Variants in FER1L6 observed in about 807,000 individuals in gnomAD.
FER1L6 encodes fer-1 like family member 6.
A neutral mutation model predicts 219.2 loss-of-function variants in FER1L6; 177 were observed. The observed-to-expected ratio is 0.81, with a 90% CI of 0.71 to 0.91. The LOEUF (loss-of-function observed/expected upper bound fraction) is 0.91. Ranked by LOEUF, FER1L6 falls within the 40% of genes least tolerant of loss-of-function variation. The probability of loss-of-function intolerance (pLI) is 0.00; values close to 1 mark genes in which losing one functional copy is unlikely to be tolerated. For missense variants in FER1L6, 2,153 were observed against 2,259.9 expected (o/e 0.95, Z 0.96); for synonymous variants, 768 against 824.3 (o/e 0.93, Z 1.17).
intron 31 of FER1L6, among the ~76,000 whole-genome samples, 179 bp downstream of exon 31, chr8:124,071,810 G>A (rs1821087565): frequency 6.6e-6 from 1 of 152,136 alleles, no homozygotes; most frequent in Non-Finnish European, 1.5e-5. Context: ...TCTCTTGCTG[G>A]TTTGTGGATG....
At chr8:124,015,939 G>A (rs1818182938) in intron 15 of FER1L6, 1 of 152,636 alleles carries the variant, frequency 6.6e-6, no homozygotes, top group Admixed American at 6.6e-5. Context: ...AGCTCAACAG[G>A]GCTTCTCCCT....
intron 1 of FER1L6, among the ~76,000 whole-genome samples, chr8:123,920,950 T>C (rs1419182722): frequency 2.0e-5 from 3 of 152,214 alleles, no homozygotes; most frequent in African/African-American, 7.2e-5. Flanking sequence ...TCAAATACTA[T>C]TGGTCTTTTC....
intron 39 of FER1L6, among the ~76,000 whole-genome samples, chr8:124,114,295 G>A (rs1186390944): frequency 1.3e-5 from 2 of 151,990 alleles, no homozygotes; most frequent in Non-Finnish European, 2.9e-5. Flanking sequence ...TTCAGAGTTG[G>A]TATAAGAGTC....
intron 15 of FER1L6, among the ~76,000 whole-genome samples, chr8:124,017,105 C>A (rs567403478): frequency 1.3e-5 from 2 of 152,046 alleles, no homozygotes; most frequent in African/African-American, 2.4e-5. Flanking sequence ...TTTCCCCAAG[C>A]GTTTAGTCCA....
intron 39 of FER1L6, among the ~76,000 whole-genome samples, chr8:124,106,156 C>T (rs976177987): frequency 2.0e-5 from 3 of 151,636 alleles, no homozygotes; most frequent in African/African-American, 2.4e-5. Flanking sequence ...GGTGAAACCC[C>T]GTCTCTACTA....
intron 1 of FER1L6, among the ~76,000 whole-genome samples, chr8:123,939,655 G>C (rs967176594): frequency 6.6e-6 from 1 of 152,162 alleles, no homozygotes; most frequent in East Asian, 1.9e-4. Flanking sequence ...TGCAGGAAGG[G>C]ACTTGAGTTA....
rs761955647 is a variant in FER1L6, at chr8:124,097,867, G to C, written c.4867G>C (p.Asp1623His). 1 of 1,576,742 alleles carries C rather than the reference G, an allele frequency of 6.3e-7. No individual in the cohort carries two copies. The highest frequency in any genetic ancestry group is 1.1e-5 in the South Asian group (1 of 90,304). The part of the protein sequence containing the change: ...ENIFTGQKSS[D>H]IYVKGWLKGL... ...TATCTTCACAGGCCAAAAATCAAGT[G>C]ATATTTATGTGAAAGGGTAAGGTTA... The change falls in exon 37 of 41, where the codon GAT becomes CAT. Residue 1623 changes from aspartate to histidine, a missense_variant. Coordinates refer to ENST00000522917, the MANE Select transcript of FER1L6 (RefSeq NM_001039112.2).
Position 124,035,413 on chromosome 8 carries a change from G to C in FER1L6, c.2423G>C (p.Gly808Ala), listed in dbSNP as rs574108950. The part of the protein sequence containing the change: ...VGYEAEMSSK[G>A]AGTNHPPSNL... The stretch of plus-strand genomic sequence containing the variant: ...TATGAAGCAGAAATGTCCTCCAAAG[G>C]GGCTGGCACCAATCACCCCCCATCT... Residue 808 changes from glycine to alanine, a missense_variant, in exon 19 of 41, where the codon GGG becomes GCG. Coordinates refer to ENST00000522917, the MANE Select transcript of FER1L6 (RefSeq NM_001039112.2). 6.2e-7 allele frequency: 1 copy of C among 1,613,672 alleles called. No individual in the cohort carries two copies. The highest frequency in any genetic ancestry group is 1.7e-5 in the Admixed American group (1 of 59,994).
In FER1L6 at chr8:124,021,561, C is replaced by G; in HGVS notation, c.2025C>G (p.Cys675Trp). 1 of 1,614,022 alleles carries G rather than the reference C, an allele frequency of 6.2e-7. No homozygotes were observed. The highest frequency in any genetic ancestry group is 1.1e-5 in the South Asian group (1 of 91,066). ...TLCWQELEAM[C>W]KEAKGIIQQQ... ...TTGTCTTGTTTTAGGAAGCAATGTG[C>G]AAGGAGGCCAAGGGGATCATTCAGC... Residue 675 changes from cysteine (C) to tryptophan (W), a missense_variant, in exon 17 of 41, where the codon TGC becomes TGG. Physicochemically the swap from Cys to Trp is radical, Grantham distance 215. Transcript: ENST00000522917.
intron 2 of FER1L6, among the ~76,000 whole-genome samples, chr8:123,959,212 C>T (rs538011847): frequency 1.7e-4 from 26 of 152,258 alleles, no homozygotes; most frequent in Admixed American, 1.2e-3. Flanking sequence ...CTTTCTACCT[C>T]GATGTCTCAC....
intron 1 of FER1L6, among the ~76,000 whole-genome samples, chr8:123,907,180 AT>A (rs1356968968): frequency 6.6e-6 from 1 of 152,198 alleles, no homozygotes; most frequent in Non-Finnish European, 1.5e-5. Flanking sequence ...TCTTGACAAG[AT>A]TATACACTTT....
At chr8:123,943,971 TGATATCTAGGAG>T (rs1814368729) in intron 1 of FER1L6, among the ~76,000 whole-genome samples, 1 of 152,128 alleles carries the variant, frequency 6.6e-6, no homozygotes, top group Non-Finnish European at 1.5e-5. Flanking sequence ...TGGCTGTGAT[TGATATCTAGGAG>T]GTAACATAGA....
rs745615351 is a variant in FER1L6, at chr8:124,094,886, T to C, written c.4553-10T>C. ...CACACATCTGACAAGTTTGTCTTTC[T>C]TTCCTGCAGATGAGACAGTGGAGTC... On this transcript the variant is annotated splice_polypyrimidine_tract_variant and intron_variant, in intron 34 of 40. Coordinates refer to ENST00000522917, the MANE Select transcript of FER1L6 (RefSeq NM_001039112.2). The C allele has an allele frequency of 3.1e-6, 5 of 1,613,862 alleles. No individual in the cohort carries two copies. In the African/African-American group the frequency reaches 5.3e-5, roughly 17 times the overall value.
At chr8:124,056,641 G>A (rs1820310430) in intron 22 of FER1L6, among the ~76,000 whole-genome samples, 1 of 152,190 alleles carries the variant, frequency 6.6e-6, no homozygotes, top group South Asian at 2.1e-4. Context: ...AAGGTAAAGT[G>A]TCATTAACTG....
Position 124,091,538 on chromosome 8 carries a change from AACC to A in FER1L6, c.4509_4511del (p.Asn1503_Gln1504delinsLys). 3 of 1,614,130 alleles carry A rather than the reference AACC, an allele frequency of 1.9e-6. No homozygotes were observed. The highest frequency in any genetic ancestry group is 2.2e-5 in the East Asian group (1 of 44,884). ...TCACCCTGGGAAAATACAGATAGGA[AACC>A]AAGTCTTTTCTGGAAAAACTATCTT... On this transcript the variant is annotated inframe_deletion, in exon 34 of 41. Transcript: ENST00000522917.
chr8:124,026,038 G>C (rs1818692881), intron 18 of FER1L6, among the ~76,000 whole-genome samples: 1 of 152,014 alleles, frequency 6.6e-6, no homozygotes, highest in Non-Finnish European at 1.5e-5. Flanking sequence ...CAACTGGGGG[G>C]TCCTGCACCC....
chr8:123,929,630 C>A (rs897411523), intron 1 of FER1L6, among the ~76,000 whole-genome samples: 1 of 152,120 alleles, frequency 6.6e-6, no homozygotes, highest in Admixed American at 6.6e-5. Flanking sequence ...CTACTCTCCG[C>A]TGACTCTGTC....
At chr8:124,045,992 G>C in intron 21 of FER1L6, 91 bp downstream of exon 21, 6 of 1,486,634 alleles carry the variant, frequency 4.0e-6, no homozygotes, top group Non-Finnish European at 4.6e-6. Flanking sequence ...ATAAAGTCCT[G>C]ACGCTGTGAG....
chr8:124,011,647 CTTT>C (rs551341750), intron 14 of FER1L6, among the ~76,000 whole-genome samples: 5 of 133,908 alleles, frequency 3.7e-5, no homozygotes, highest in Admixed American at 2.3e-4. Context: ...CCATGCCTGA[CTTT>C]TTTTTTTTTT....
Sources: gnomAD v4.1 joint callset for allele counts (sites outside exome capture counted in the v4.1 genomes callset) on GRCh38, gnomAD v4.1.1 for gene constraint, MANE v1.5 for transcripts, NCBI Gene and HGNC (gene_info 2026-07-23, HGNC 2026-07-21) for gene names.